Variants in DLG2 observed in about 807,000 individuals in gnomAD.
DLG2 encodes disks large homolog 2.
DLG2 carries 45 observed loss-of-function variants against 132.5 expected under a neutral mutation model. The ratio of observed to expected loss-of-function variants is 0.34; its 90% CI spans 0.27 to 0.44. The LOEUF (loss-of-function observed/expected upper bound fraction) is 0.44, where lower values mean the gene tolerates loss of function less well. DLG2 is among the 20% of genes least tolerant of loss of function. DLG2 has a pLI of 1.00. For missense variants in DLG2, 1,045 were observed against 1,196.9 expected, an observed-to-expected ratio of 0.87 and a Z score of 1.87; for synonymous variants, 424 against 419.6, an observed-to-expected ratio of 1.01 and a Z score of -0.13.
At chr11:84,678,970 T>C (rs1390974920) in intron 6 of DLG2, among the ~76,000 whole-genome samples, 2 of 152,082 alleles carry the variant, frequency 1.3e-5, no homozygotes, top group Non-Finnish European at 2.9e-5. Flanking sequence ...CATAAAAAAG[T>C]TCCTAGTTGA....
chr11:83,781,074 G>A (rs2094801443), intron 18 of DLG2, among the ~76,000 whole-genome samples: 1 of 152,252 alleles, frequency 6.6e-6, no homozygotes, highest in African/African-American at 2.4e-5. Flanking sequence ...TAATATCTAT[G>A]CTTTTGGTCT....
intron 7 of DLG2, among the ~76,000 whole-genome samples, chr11:84,448,649 T>C (rs572489654): frequency 3.9e-5 from 6 of 152,194 alleles, no homozygotes; most frequent in African/African-American, 1.4e-4. Flanking sequence ...TGAAAATTTT[T>C]CCAGATAACC....
At chr11:84,782,502 C>G (rs1351248281) in intron 6 of DLG2, among the ~76,000 whole-genome samples, 1 of 151,782 alleles carries the variant, frequency 6.6e-6, no homozygotes, top group Non-Finnish European at 1.5e-5. Context: ...GCGTATATCT[C>G]TATAGGGCTT....
At chr11:84,601,417 A>G (rs944257835) in intron 6 of DLG2, among the ~76,000 whole-genome samples, 2 of 152,188 alleles carry the variant, frequency 1.3e-5, no homozygotes, top group African/African-American at 2.4e-5. Context: ...GCTTCCATGT[A>G]TCATCTAAGA....
chr11:84,925,919 G>C (rs1217049902), intron 6 of DLG2, among the ~76,000 whole-genome samples: 1 of 151,658 alleles, frequency 6.6e-6, no homozygotes, highest in African/African-American at 2.4e-5. Context: ...CATAATATTG[G>C]AATACAGGAG....
At chr11:83,911,973 T>C (rs1335787663) in intron 15 of DLG2, among the ~76,000 whole-genome samples, 2 of 151,712 alleles carry the variant, frequency 1.3e-5, no homozygotes, top group Non-Finnish European at 2.9e-5. Context: ...TATAAGCAGT[T>C]TAGAGCAATG....
intron 6 of DLG2, among the ~76,000 whole-genome samples, chr11:84,931,832 C>A (rs781160449): frequency 6.6e-6 from 1 of 152,164 alleles, no homozygotes; most frequent in African/African-American, 2.4e-5. Flanking sequence ...GAGATGGTAT[C>A]TCTTTGTGGT....
intron 3 of DLG2, among the ~76,000 whole-genome samples, chr11:85,456,487 G>C (rs2092426556): frequency 1.3e-5 from 2 of 152,016 alleles, no homozygotes; most frequent in Non-Finnish European, 2.9e-5. Context: ...TCTAATTTTG[G>C]TTATTTCTTG....
chr11:83,908,030 T>C (rs535640729), intron 15 of DLG2, among the ~76,000 whole-genome samples: 1 of 152,320 alleles, frequency 6.6e-6, no homozygotes, highest in South Asian at 2.1e-4. Flanking sequence ...AGCAAGTTTA[T>C]TGGTTTCTAA....
intron 7 of DLG2, among the ~76,000 whole-genome samples, chr11:84,429,228 A>T (rs2098976627): frequency 6.6e-6 from 1 of 152,196 alleles, no homozygotes; most frequent in South Asian, 2.1e-4. Context: ...GCGTTTTGCT[A>T]GGTGCTGAGA....
chr11:83,968,580 C>A (rs567614303), intron 12 of DLG2, among the ~76,000 whole-genome samples: 2 of 152,262 alleles, frequency 1.3e-5, no homozygotes, highest in South Asian at 4.1e-4. Context: ...ACATGCCAGG[C>A]ACTATTTTAA....
chr11:83,794,816 C>A (rs2042396460), intron 17 of DLG2, among the ~76,000 whole-genome samples: 1 of 152,054 alleles, frequency 6.6e-6, no homozygotes, highest in Admixed American at 6.6e-5. Context: ...TCCTAACTAC[C>A]AATTTACACT....
At chr11:85,203,544 TA>T (rs1226340051) in intron 4 of DLG2, among the ~76,000 whole-genome samples, 6 of 151,678 alleles carry the variant, frequency 4.0e-5, no homozygotes, top group Non-Finnish European at 8.9e-5. Flanking sequence ...ATCAAAGAAG[TA>T]ATAAAAAGTC....
intron 21 of DLG2, among the ~76,000 whole-genome samples, chr11:83,515,215 C>G (rs566718788): frequency 3.9e-5 from 6 of 152,030 alleles, no homozygotes; most frequent in African/African-American, 1.4e-4. Context: ...TTCTGTTATT[C>G]GTCTATTTAG....
chr11:85,033,386 C>CAA lies in DLG2; in HGVS notation c.357+78273_357+78274dup, dbSNP rs750024023. Among the ~76,000 whole-genome samples, 260 of 80,748 alleles carry CAA rather than the reference C, an allele frequency of 3.2e-3. 2 individuals are homozygous for CAA. The highest frequency in any genetic ancestry group is 0.026 in the Middle Eastern group (3 of 116). The allele number at this position is 80,748 out of a possible 152,430, so 53.0% of individuals were successfully genotyped here. ...CTGCATTTCAAACAATATATCCTAG[C>CAA]AAAAAAAAAAAAAAAAAAAAAATTC... On this transcript the variant is annotated intron_variant, in intron 6 of 27. Transcript: ENST00000376104.
chr11:84,380,633 A>T (rs912719654), intron 7 of DLG2, among the ~76,000 whole-genome samples: 1 of 151,940 alleles, frequency 6.6e-6, no homozygotes, highest in Non-Finnish European at 1.5e-5. Context: ...AAGAAAAAGT[A>T]TGAAAACCAA....
chr11:84,359,216 C>T (rs533898569), intron 7 of DLG2, among the ~76,000 whole-genome samples: 23 of 151,886 alleles, frequency 1.5e-4, no homozygotes, highest in African/African-American at 4.8e-4. Flanking sequence ...GATTGAGGAA[C>T]AAATATATTC....
At chr11:84,448,475 T>C (rs1160407281) in intron 7 of DLG2, among the ~76,000 whole-genome samples, 1 of 152,044 alleles carries the variant, frequency 6.6e-6, no homozygotes, top group Non-Finnish European at 1.5e-5. Flanking sequence ...CTTTGGATCT[T>C]CACAAAATTA....
chr11:84,460,835 T>C (rs371985476), intron 7 of DLG2, among the ~76,000 whole-genome samples: 1 of 150,768 alleles, frequency 6.6e-6, no homozygotes, highest in South Asian at 2.1e-4. Flanking sequence ...TCTTAGCCCA[T>C]ATAAATAAAA....
Sources: gnomAD v4.1 joint callset for allele counts (sites outside exome capture counted in the v4.1 genomes callset) on GRCh38, gnomAD v4.1.1 for gene constraint, MANE v1.5 for transcripts, NCBI Gene and HGNC (gene_info 2026-07-23, HGNC 2026-07-21) for gene names.